Variants in PRTG observed in about 807,000 individuals in gnomAD.
PRTG encodes immunoglobulin superfamily, DCC subclass, member 5.
PRTG carries 67 observed loss-of-function variants against 122.5 expected under a neutral mutation model. The observed-to-expected ratio is 0.55, with a 90% CI of 0.45 to 0.67. PRTG has a LOEUF of 0.67. Among genes scored for constraint, PRTG ranks in the 30% least tolerant of loss-of-function variants. PRTG has a pLI of 0.00. For synonymous variants in PRTG, 554 were observed against 501.1 expected, an observed-to-expected ratio of 1.11 and a Z score of -1.41; for missense variants, 1,435 against 1,415.4, an observed-to-expected ratio of 1.01 and a Z score of -0.22.
chr15:55,624,556 A>G, intron 17 of PRTG, 49 bp from the exon 18 acceptor site: 1 of 1,535,874 alleles, frequency 6.5e-7, no homozygotes, highest in African/African-American at 1.4e-5. Flanking sequence ...TAGAAGATGC[A>G]GGCAAATGAA....
intron 11 of PRTG, among the ~76,000 whole-genome samples, chr15:55,645,668 T>A (rs926241967): frequency 1.3e-5 from 2 of 151,900 alleles, no homozygotes; most frequent in Non-Finnish European, 2.9e-5. Flanking sequence ...TCCTAAAACT[T>A]CATAGTTCTG....
At chr15:55,623,337 G>A (rs544511957) in intron 18 of PRTG, among the ~76,000 whole-genome samples, 1 of 152,256 alleles carries the variant, frequency 6.6e-6, no homozygotes, top group Admixed American at 6.5e-5. Flanking sequence ...GGAGGCCAAG[G>A]CGGGCAGATC....
At chr15:55,686,946 T>C (rs1184266190) in intron 2 of PRTG, among the ~76,000 whole-genome samples, 1 of 152,212 alleles carries the variant, frequency 6.6e-6, no homozygotes, top group Non-Finnish European at 1.5e-5. Context: ...CTCTGTACAC[T>C]GCAGACCTTC....
In PRTG at chr15:55,616,675, T is replaced by C. The variant is rs956482974; in HGVS notation, c.*3337A>G. 2 of 152,178 alleles carry C rather than the reference T, an allele frequency of 1.3e-5. No individual in the cohort carries two copies. Among genetic ancestry groups the C allele is most frequent in the Non-Finnish European group, 2.9e-5 (2 of 67,994 alleles). The allele number at this position is 152,178 out of a possible 1,614,324, so 9.4% of individuals were successfully genotyped here. On this transcript the variant is annotated 3_prime_UTR_variant, in exon 20 of 20. Coordinates refer to ENST00000389286, the MANE Select transcript of PRTG (RefSeq NM_173814.6). ...GAAACAACAGTTTAATGTACAACTA[T>C]ATTTGCCTATATGCGGAGGTAACCT...
chr15:55,670,835 G>C lies in PRTG; in HGVS notation c.2041+1610C>G, dbSNP rs537322184. ...AGAATTGCTTGAACCTGGAGGCAGAGGTTGCGGTGAGCTGAGATTGTGCCA... is the reference window on the plus strand; with the variant it reads ...AGAATTGCTTGAACCTGGAGGCAGACGTTGCGGTGAGCTGAGATTGTGCCA... On this transcript the variant is annotated intron_variant, in intron 11 of 19. Transcript: ENST00000389286. 9.9e-5 allele frequency among the ~76,000 whole-genome samples: 15 copies of C among 151,960 alleles called. No individual in the cohort carries two copies. In the South Asian group the frequency reaches 2.9e-3, roughly 30 times the overall value.
At chr15:55,739,913 G>C (rs1356853801) in intron 2 of PRTG, among the ~76,000 whole-genome samples, 1 of 152,172 alleles carries the variant, frequency 6.6e-6, no homozygotes, top group Non-Finnish European at 1.5e-5. Context: ...ACAATTAAAA[G>C]GCAACATGGG....
intron 2 of PRTG, among the ~76,000 whole-genome samples, chr15:55,725,661 T>C (rs1476205736): frequency 2.0e-5 from 3 of 151,894 alleles, no homozygotes; most frequent in Admixed American, 1.3e-4. Flanking sequence ...TCCTTCCTTA[T>C]CAGTAATTAC....
At chr15:55,688,874 C>T (rs1179847865) in intron 2 of PRTG, among the ~76,000 whole-genome samples, 1 of 152,098 alleles carries the variant, frequency 6.6e-6, no homozygotes, top group African/African-American at 2.4e-5. Flanking sequence ...CCAAAGTCAT[C>T]GTGTCCAAAA....
intron 11 of PRTG, among the ~76,000 whole-genome samples, chr15:55,646,353 T>C (rs879864573): frequency 1.5e-4 from 22 of 149,998 alleles, no homozygotes; most frequent in East Asian, 5.9e-4. Context: ...GACGGAGTCT[T>C]GCTCTGTCGC....
intron 17 of PRTG, among the ~76,000 whole-genome samples, chr15:55,625,455 CT>C (rs888711783): frequency 1.8e-3 from 256 of 141,092 alleles, no homozygotes; most frequent in Admixed American, 2.0e-3. Flanking sequence ...ATTGTGTTTT[CT>C]TTTTTTTTTT....
intron 8 of PRTG, 50 bp from the exon 9 acceptor site, chr15:55,675,733 T>C: frequency 8.3e-7 from 1 of 1,205,780 alleles, no homozygotes; most frequent in Non-Finnish European, 1.2e-6. Flanking sequence ...AAAATAAAAT[T>C]AACAAGACCA....
chr15:55,634,037 A>T (rs995436184), intron 15 of PRTG, among the ~76,000 whole-genome samples: 1 of 151,778 alleles, frequency 6.6e-6, no homozygotes, highest in Non-Finnish European at 1.5e-5. Context: ...ATACATTTAA[A>T]AGGAGCCAGA....
chr15:55,620,883 T>C lies in PRTG; in HGVS notation c.3094-116A>G, dbSNP rs759476788. ...TGCTTCACATTTCCCTTTTCATTTTTATTTTATTTTAGATTCAGGGAGTAC... is the reference window on the plus strand; with the variant it reads ...TGCTTCACATTTCCCTTTTCATTTTCATTTTATTTTAGATTCAGGGAGTAC... On this transcript the variant is annotated intron_variant, in intron 18 of 19. Coordinates refer to ENST00000389286, the MANE Select transcript of PRTG (RefSeq NM_173814.6). 3.9e-5 allele frequency: 35 copies of C among 894,382 alleles called. 2 individuals carry two copies. The highest frequency in any genetic ancestry group is 3.1e-4 in the Middle Eastern group (1 of 3,188). 55.4% of individuals were successfully genotyped at this position (894,382 alleles called of 1,614,324 possible). A position where few individuals can be genotyped will look rare whatever the true frequency, so the allele number is the denominator to read the frequency against.
At chr15:55,621,849 A>T (rs1441579359) in intron 18 of PRTG, among the ~76,000 whole-genome samples, 1 of 152,230 alleles carries the variant, frequency 6.6e-6, no homozygotes, top group Non-Finnish European at 1.5e-5. Flanking sequence ...CAAAAAGTAT[A>T]TAAAGATACA....
At chr15:55,719,400 G>C (rs1009529576) in intron 2 of PRTG, among the ~76,000 whole-genome samples, 2 of 152,142 alleles carry the variant, frequency 1.3e-5, no homozygotes, top group Non-Finnish European at 2.9e-5. Flanking sequence ...AGTATATTTT[G>C]AGGGAATATC....
At chr15:55,666,499 T>C (rs2059440134) in intron 11 of PRTG, among the ~76,000 whole-genome samples, 1 of 152,208 alleles carries the variant, frequency 6.6e-6, no homozygotes, top group Non-Finnish European at 1.5e-5. Flanking sequence ...GGTCTAGATC[T>C]TTACTTCTCA....
chr15:55,718,795 T>C (rs1003960927), intron 2 of PRTG, among the ~76,000 whole-genome samples: 8 of 152,014 alleles, frequency 5.3e-5, no homozygotes, highest in Non-Finnish European at 1.2e-4. Flanking sequence ...CAGGCTGGAG[T>C]GCAGTGGTGC....
At chr15:55,637,413 G>A in intron 14 of PRTG, 73 bp from the exon 15 acceptor site, 1 of 1,323,246 alleles carries the variant, frequency 7.6e-7, no homozygotes, top group African/African-American at 1.5e-5. Flanking sequence ...CTGGCTTATA[G>A]GCTTAGAAAA....
Position 55,613,049 on chromosome 15 carries a change from T to C in PRTG, c.*6963A>G, listed in dbSNP as rs2059127778. On this transcript the variant is annotated 3_prime_UTR_variant, in exon 20 of 20. Transcript: ENST00000389286. ...GATTATTTACACTTGAATTTTCTCTTAAGTTTTCAAAGTACTATTGTTTCA... is the reference window on the plus strand; with the variant it reads ...GATTATTTACACTTGAATTTTCTCTCAAGTTTTCAAAGTACTATTGTTTCA... The C allele has an allele frequency of 6.6e-6, 1 of 152,064 alleles. No individual in the cohort carries two copies. Among genetic ancestry groups the C allele is most frequent in the African/African-American group, 2.4e-5 (1 of 41,422 alleles). 9.4% of individuals were successfully genotyped at this position (152,064 alleles called of 1,614,324 possible).
Sources: gnomAD v4.1 joint callset for allele counts (sites outside exome capture counted in the v4.1 genomes callset) on GRCh38, gnomAD v4.1.1 for gene constraint, MANE v1.5 for transcripts, NCBI Gene and HGNC (gene_info 2026-07-23, HGNC 2026-07-21) for gene names.